Variants in ANKRD13A observed in about 807,000 individuals in gnomAD.
ANKRD13A encodes ankyrin repeat domain 13A, also known as ankyrin repeat domain-containing protein 13A.
Under a neutral mutation model 81.3 loss-of-function variants are expected in ANKRD13A, and 48 were observed. That is an observed-to-expected ratio of 0.59 (90% confidence interval 0.47 to 0.75). The LOEUF (loss-of-function observed/expected upper bound fraction) is 0.75. Among genes scored for constraint, ANKRD13A ranks in the 30% least tolerant of loss-of-function variants. The pLI, the probability that ANKRD13A is intolerant of heterozygous loss-of-function variation, is 0.00. For synonymous variants in ANKRD13A, 230 were observed against 270.1 expected, an observed-to-expected ratio of 0.85 and a Z score of 1.45; for missense variants, 612 against 734.0, an observed-to-expected ratio of 0.83 and a Z score of 1.92.
chr12:110,027,811 A>T, intron 9 of ANKRD13A, 45 bp downstream of exon 9: 1 of 1,598,618 alleles, frequency 6.3e-7, no homozygotes, highest in Non-Finnish European at 8.6e-7. Context: ...ATGAAAGGAA[A>T]CAACTTGTCT....
At chr12:110,028,787 G>C in intron 10 of ANKRD13A, 145 bp downstream of exon 10, 2 of 1,154,480 alleles carry the variant, frequency 1.7e-6, no homozygotes, top group South Asian at 3.0e-5. Context: ...GCCTAGGCTG[G>C]AGTGCAGTGG....
In ANKRD13A at chr12:110,018,587, A is replaced by G; in HGVS notation, c.544+99A>G. 7.0e-7 allele frequency: 1 copy of G among 1,422,322 alleles called. No individual in the cohort carries two copies. Among genetic ancestry groups the G allele is most frequent in the Non-Finnish European group, 9.7e-7 (1 of 1,035,896 alleles). The allele number at this position is 1,422,322 out of a possible 1,614,324, so 88.1% of individuals were successfully genotyped here. On this transcript the variant is annotated intron_variant, in intron 5 of 14. Coordinates refer to ENST00000261739, the MANE Select transcript of ANKRD13A (RefSeq NM_033121.2). The surrounding 1 kb of genome is among the most constrained non-coding windows in gnomAD (Gnocchi z 4.4). ...CACATTCATGTGACTTTTCTGTCTG[A>G]TCCTTCCTAGGGCATGTTTTTTTGG...
intron 11 of ANKRD13A, 61 bp from the exon 12 acceptor site, chr12:110,030,584 A>G: frequency 1.0e-6 from 1 of 997,028 alleles, no homozygotes; most frequent in Admixed American, 2.6e-5. Flanking sequence ...TTAGTAAATG[A>G]TAACTATTAT....
At position 109,999,522 on chromosome 12, in the gene ANKRD13A, C is replaced by A. The variant is rs1481543956; in HGVS notation, c.-167C>A. 1 of 375,376 alleles carries A rather than the reference C, an allele frequency of 2.7e-6. No individual in the cohort carries two copies. Among genetic ancestry groups the A allele is most frequent in the Non-Finnish European group, 4.5e-6 (1 of 223,450 alleles). 23.3% of individuals were successfully genotyped at this position (375,376 alleles called of 1,614,324 possible). A position where few individuals can be genotyped will look rare whatever the true frequency, so the allele number is the denominator to read the frequency against. ...CTGGTCCCTGAGCCGGCCGGCGACC[C>A]CGGACCTCCCGCGCGCCCCGCACCC... On this transcript the variant is annotated 5_prime_UTR_variant, in exon 1 of 15. Coordinates refer to ENST00000261739, the MANE Select transcript of ANKRD13A (RefSeq NM_033121.2). The surrounding 1 kb of genome is among the most constrained non-coding windows in gnomAD (Gnocchi z 4.3).
At chr12:110,008,821 G>T (rs1348684274) in intron 1 of ANKRD13A, among the ~76,000 whole-genome samples, 7 of 152,188 alleles carry the variant, frequency 4.6e-5, no homozygotes, top group African/African-American at 1.7e-4. Context: ...GGAGGTGGAG[G>T]TTGCAGTGAG....
chr12:110,033,859 G>A lies in ANKRD13A; in HGVS notation c.1411G>A (p.Val471Ile), dbSNP rs376652102. 6.2e-7 allele frequency: 1 copy of A among 1,613,214 alleles called. No individual in the cohort carries two copies. Among genetic ancestry groups the A allele is most frequent in the Non-Finnish European group, 8.5e-7 (1 of 1,179,642 alleles). The change falls in exon 13 of 15, where the codon GTT (valine) becomes ATT (isoleucine). Residue 471 changes from valine to isoleucine, a missense_variant. Coordinates refer to ENST00000261739, the MANE Select transcript of ANKRD13A (RefSeq NM_033121.2). ...SVFEIPESYY[V>I]QDNGRNVHLQ... is the part of the protein sequence containing the mutation. ...GTTTGAAATTCCCGAATCTTACTAT[G>A]TTCAAGACAATGGCAGAAATGTGCA...
chr12:110,019,736 G>A (rs965942949), intron 6 of ANKRD13A, among the ~76,000 whole-genome samples: 1 of 152,136 alleles, frequency 6.6e-6, no homozygotes, highest in Non-Finnish European at 1.5e-5. Context: ...TACTGATATT[G>A]GTCAGTCAGA....
rs773905891 is a variant in ANKRD13A, at chr12:110,018,313, GT to G, written c.401-27del. On this transcript the variant is annotated intron_variant, in intron 4 of 14. Coordinates refer to ENST00000261739, the MANE Select transcript of ANKRD13A (RefSeq NM_033121.2). The surrounding 1 kb of genome is among the most constrained non-coding windows in gnomAD (Gnocchi z 4.4). ...CCTAGGTATTCTTCTTGGCCCTTGA[GT>G]TTTTCTCAGTAGTACACTTCTCTCC... The G allele has an allele frequency of 1.6e-5, 26 of 1,602,680 alleles. No homozygotes were observed. Among genetic ancestry groups the G allele is most frequent in the Middle Eastern group, 3.3e-4 (2 of 6,046 alleles).
Position 110,012,008 on chromosome 12 carries a change from G to A in ANKRD13A, c.100G>A (p.Val34Met), listed in dbSNP as rs1566049225. 1.2e-6 allele frequency: 2 copies of A among 1,602,648 alleles called. No homozygotes were observed. The highest frequency in any genetic ancestry group is 8.5e-7 in the Non-Finnish European group (1 of 1,170,462). ...AATGCCAGTGTTTCCTTCACAGAATGTGGAGGCTGTGGACCCACGAGGTCG... is the reference window on the plus strand; with the variant it reads ...AATGCCAGTGTTTCCTTCACAGAATATGGAGGCTGTGGACCCACGAGGTCG... ...QLEKELQGQNVEAVDPRGRTL... is the reference protein window; with the variant it reads ...QLEKELQGQNMEAVDPRGRTL... The change falls in exon 2 of 15, where the codon GTG (valine) becomes ATG (methionine). Residue 34 changes from valine (V) to methionine (M), a missense_variant. Physicochemically the swap from Val to Met is conservative, Grantham distance 21. Coordinates refer to ENST00000261739, the MANE Select transcript of ANKRD13A (RefSeq NM_033121.2).
intron 2 of ANKRD13A, 117 bp downstream of exon 2, chr12:110,012,254 A>G (rs1429989539): frequency 5.7e-6 from 7 of 1,217,406 alleles, no homozygotes; most frequent in Non-Finnish European, 6.7e-6. Context: ...AGTACCAGCT[A>G]CTCAGGAGGC....
chr12:110,023,732 A>T, intron 6 of ANKRD13A: 1 of 249,144 alleles, frequency 4.0e-6, no homozygotes, highest in Non-Finnish European at 7.8e-6. Context: ...GGTCATCTTC[A>T]GTCACTTCTT....
At position 110,016,682 on chromosome 12, in the gene ANKRD13A, T is replaced by C. The variant is rs187412385; in HGVS notation, c.400+249T>C. On this transcript the variant is annotated intron_variant, in intron 4 of 14. Coordinates refer to ENST00000261739, the MANE Select transcript of ANKRD13A (RefSeq NM_033121.2). ...CCCAGGCATTCATGAAGGTAGTATA[T>C]AGACAATTTCATTTCCTCCTTTTGT... Among the ~76,000 whole-genome samples the C allele has an allele frequency of 1.6e-3, 239 of 152,334 alleles. 4 individuals are homozygous for C. Among genetic ancestry groups the C allele is most frequent in the Admixed American group, 0.012 (178 of 15,300 alleles).
intron 10 of ANKRD13A, chr12:110,028,942 T>A (rs1891514868): frequency 4.0e-6 from 1 of 247,150 alleles, no homozygotes; most frequent in African/African-American, 2.3e-5. Flanking sequence ...TTCACCATAT[T>A]GGTCAGGCTG....
Position 110,037,532 on chromosome 12 carries a change from A to T in ANKRD13A, c.1751A>T (p.Gln584Leu). ...EEEAELQQVLQLSLTDK is the reference protein window; with the variant it reads ...EEEAELQQVLLLSLTDK The stretch of plus-strand genomic sequence containing the variant: ...GAGGCTGAGCTCCAGCAAGTCTTAC[A>T]GCTGTCACTCACTGACAAATAGACC... Residue 584 changes from glutamine to leucine, a missense_variant, in exon 15 of 15, where the codon CAG becomes CTG. By Grantham distance (113) the Gln-to-Leu change is moderately radical (BLOSUM62 -2). Transcript: ENST00000261739. 6.2e-7 allele frequency: 1 copy of T among 1,613,696 alleles called. No homozygotes were observed. The highest frequency in any genetic ancestry group is 2.2e-5 in the East Asian group (1 of 44,888).
chr12:110,024,138 T>C, intron 7 of ANKRD13A, 26 bp downstream of exon 7: 1 of 1,575,118 alleles, frequency 6.3e-7, no homozygotes, highest in Non-Finnish European at 8.6e-7. Flanking sequence ...TAAAATAAGA[T>C]TTAATATAGC....
chr12:110,003,913 C>T (rs990659979), intron 1 of ANKRD13A, among the ~76,000 whole-genome samples: 2 of 152,088 alleles, frequency 1.3e-5, no homozygotes, highest in African/African-American at 4.8e-5. Context: ...ACTCCCAGCT[C>T]TTTGGGAGGC....
intron 3 of ANKRD13A, 141 bp from the exon 4 acceptor site, chr12:110,016,247 T>C: frequency 1.7e-6 from 1 of 588,608 alleles, no homozygotes; most frequent in Non-Finnish European, 2.6e-6. Flanking sequence ...CTCACCCGGC[T>C]AGGGGCTTAC....
At position 110,018,276 on chromosome 12, in the gene ANKRD13A, C is replaced by T; in HGVS notation, c.401-69C>T. 2 of 1,507,792 alleles carry T rather than the reference C, an allele frequency of 1.3e-6. No homozygotes were observed. Among genetic ancestry groups the T allele is most frequent in the Non-Finnish European group, 1.8e-6 (2 of 1,110,452 alleles). 93.4% of individuals were successfully genotyped at this position (1,507,792 alleles called of 1,614,324 possible). On this transcript the variant is annotated intron_variant, in intron 4 of 14. Transcript: ENST00000261739. The surrounding 1 kb of genome is among the most constrained non-coding windows in gnomAD (Gnocchi z 4.4). ...CCCCTCCTTTTATTAAATCAGAATCCTGATTTCCTGGCCTAGGTATTCTTC... is the reference window on the plus strand; with the variant it reads ...CCCCTCCTTTTATTAAATCAGAATCTTGATTTCCTGGCCTAGGTATTCTTC...
intron 3 of ANKRD13A, 47 bp from the exon 4 acceptor site, chr12:110,016,341 T>G (rs753223119): frequency 3.4e-6 from 5 of 1,455,358 alleles, no homozygotes; most frequent in South Asian, 2.8e-5. Context: ...TATGTTGTGT[T>G]GATAGTGCCA....
Sources: gnomAD v4.1 joint callset for allele counts (sites outside exome capture counted in the v4.1 genomes callset) on GRCh38, gnomAD v4.1.1 for gene constraint, Gnocchi (gnomAD v3.1) non-coding constraint, MANE v1.5 for transcripts, NCBI Gene and HGNC (gene_info 2026-07-23, HGNC 2026-07-21) for gene names.